SRGAP2C: variants seen among roughly 807,000 people sequenced by gnomAD.
SRGAP2C encodes SLIT-ROBO Rho GTPase-activating protein 2C.
In SRGAP2C, 15 loss-of-function variants were observed where a neutral mutation model predicts 25.1. That is an observed-to-expected ratio of 0.60 (90% CI 0.40 to 0.92). The LOEUF is 0.92. Ranked by LOEUF, SRGAP2C falls within the 40% of genes least tolerant of loss-of-function variation. The pLI, the probability that SRGAP2C is intolerant of heterozygous loss-of-function variation, is 0.00. For synonymous variants in SRGAP2C, 44 were observed against 96.6 expected (o/e 0.46, Z 3.19); for missense variants, 144 against 264.4 (o/e 0.54, Z 3.16).
At chr1:121,355,306 T>A (rs1553347339) in intron 4 of SRGAP2C, among the ~76,000 whole-genome samples, 1 of 2,566 alleles carries the variant, frequency 3.9e-4, no homozygotes, top group Non-Finnish European at 8.0e-4. Context: ...ATACACATTC[T>A]TTTTTTTTTT....
In SRGAP2C at chr1:121,285,016, A is replaced by T. The variant is rs1298276084; in HGVS notation, c.260+21A>T. 699 of 1,218,428 alleles carry T rather than the reference A, an allele frequency of 5.7e-4. 6 individuals are homozygous for T. Among genetic ancestry groups the T allele is most frequent in the Non-Finnish European group, 7.2e-4 (643 of 895,144 alleles). 75.5% of individuals were successfully genotyped at this position (1,218,428 alleles called of 1,614,324 possible). On this transcript the variant is annotated intron_variant, in intron 3 of 9. Coordinates refer to ENST00000367123, the MANE Select transcript of SRGAP2C (RefSeq NM_001329984.2). The stretch of plus-strand genomic sequence containing the variant: ...TTCAAGTAGGGGCTCTGTGGCTATT[A>T]CTCTCTGAGACCTTGGAATATGGGG...
Position 121,228,931 on chromosome 1 carries a change from G to A in SRGAP2C, c.67+41418G>A, listed in dbSNP as rs1185415547. Among the ~76,000 whole-genome samples, 7 of 152,076 alleles carry A rather than the reference G, an allele frequency of 4.6e-5. No homozygotes were observed. In the South Asian group the frequency reaches 6.2e-4, roughly 14 times the overall value. The stretch of plus-strand genomic sequence containing the variant: ...CCATACTGTGGGGGTGTTTCTAAGA[G>A]CAGCCTGGTCCTTAATTATCTTACT... On this transcript the variant is annotated intron_variant, in intron 2 of 9. Coordinates refer to ENST00000367123, the MANE Select transcript of SRGAP2C (RefSeq NM_001329984.2).
chr1:121,370,422 C>T (rs1179318249), intron 5 of SRGAP2C, among the ~76,000 whole-genome samples: 7 of 139,638 alleles, frequency 5.0e-5, no homozygotes, highest in African/African-American at 1.8e-4. Context: ...CTTGGGGCCT[C>T]ACTGTTCTCA....
chr1:121,365,645 A>G lies in SRGAP2C; in HGVS notation c.486+290A>G, dbSNP rs1216513186. On this transcript the variant is annotated intron_variant, in intron 5 of 9. Coordinates refer to ENST00000367123, the MANE Select transcript of SRGAP2C (RefSeq NM_001329984.2). ...AGCCAAAGTCTAGGTCATTGGCACA[A>G]TGGACCCCGTTAGCAGCAAACCAGG... Among the ~76,000 whole-genome samples the G allele has an allele frequency of 7.6e-5, 7 of 92,552 alleles. 1 individual carries two copies. The highest frequency in any genetic ancestry group is 3.0e-4 in the South Asian group (1 of 3,320). The allele number at this position is 92,552 out of a possible 152,430, so 60.7% of individuals were successfully genotyped here.
At chr1:121,378,985 G>A (rs1381683253) in intron 7 of SRGAP2C, among the ~76,000 whole-genome samples, 1 of 152,110 alleles carries the variant, frequency 6.6e-6, no homozygotes, top group Non-Finnish European at 1.5e-5. Flanking sequence ...TAGGCTCACT[G>A]GAATGTAATT....
chr1:121,315,371 C>T (rs1342498352), intron 3 of SRGAP2C, among the ~76,000 whole-genome samples: 8 of 143,294 alleles, frequency 5.6e-5, no homozygotes, highest in African/African-American at 2.1e-4. Flanking sequence ...GTGACTTGCC[C>T]AAAGTTATCT....
At chr1:121,293,086 G>A (rs1175464534) in intron 3 of SRGAP2C, among the ~76,000 whole-genome samples, 5 of 131,068 alleles carry the variant, frequency 3.8e-5, no homozygotes, top group South Asian at 2.4e-4. Flanking sequence ...CCAATGCTAG[G>A]CATTGATCCT....
chr1:121,263,342 A>C (rs1344679627), intron 2 of SRGAP2C, among the ~76,000 whole-genome samples: 2 of 151,100 alleles, frequency 1.3e-5, no homozygotes, highest in Admixed American at 6.6e-5. Flanking sequence ...AACAAACAAA[A>C]AAAACTTGAA....
At position 121,185,072 on chromosome 1, in the gene SRGAP2C, G is replaced by C. The variant is rs782394265; in HGVS notation, c.-595G>C. 7.9e-6 allele frequency: 4 copies of C among 507,616 alleles called. No homozygotes were observed. Among genetic ancestry groups the C allele is most frequent in the African/African-American group, 6.7e-5 (3 of 44,650 alleles). The allele number at this position is 507,616 out of a possible 1,614,324, so 31.4% of individuals were successfully genotyped here. A position where few individuals can be genotyped will look rare whatever the true frequency, so the allele number is the denominator to read the frequency against. On this transcript the variant is annotated 5_prime_UTR_variant, in exon 1 of 10. Transcript: ENST00000367123. ...GTGGCGGGGAAGAGAGGGGAGGAGA[G>C]CTCTGAGTGGGAAGCGGAACCGGGG...
Position 121,241,341 on chromosome 1 carries a change from A to C in SRGAP2C, c.68-43462A>C, listed in dbSNP as rs1656119538. ...GATAAACCCATTAGAAGTCCTGAACAATAGCTTCCCCTTTCCTTTTTGTCT... is the reference window on the plus strand; with the variant it reads ...GATAAACCCATTAGAAGTCCTGAACCATAGCTTCCCCTTTCCTTTTTGTCT... On this transcript the variant is annotated intron_variant, in intron 2 of 9. Transcript: ENST00000367123. Among the ~76,000 whole-genome samples the C allele has an allele frequency of 4.9e-5, 2 of 40,696 alleles. 1 individual carries two copies. Among genetic ancestry groups the C allele is most frequent in the Admixed American group, 5.2e-4 (2 of 3,874 alleles). The allele number at this position is 40,696 out of a possible 152,430, so 26.7% of individuals were successfully genotyped here.
chr1:121,362,609 GGAGGAGTTAAGAAAC>G (rs1553348799), intron 4 of SRGAP2C: 1 of 151,998 alleles, frequency 6.6e-6, no homozygotes, highest in African/African-American at 2.4e-5. Flanking sequence ...TCAAACATAA[GGAGGAGTTAAGAAAC>G]GATAGGCTGG....
chr1:121,192,462 T>C (rs1553319932), intron 2 of SRGAP2C, among the ~76,000 whole-genome samples: 1 of 150,994 alleles, frequency 6.6e-6, no homozygotes, highest in Non-Finnish European at 1.5e-5. Flanking sequence ...TCAAGTACCA[T>C]ACTCTGCATC....
intron 5 of SRGAP2C, among the ~76,000 whole-genome samples, chr1:121,367,168 C>T (rs1339051021): frequency 4.6e-5 from 7 of 151,876 alleles, no homozygotes; most frequent in Non-Finnish European, 8.8e-5. Context: ...GTGGTATCCC[C>T]TGCCATAAGG....
At chr1:121,281,378 TTCCTTC>T (rs1657238425) in intron 2 of SRGAP2C, among the ~76,000 whole-genome samples, 1 of 151,454 alleles carries the variant, frequency 6.6e-6, no homozygotes, top group Non-Finnish European at 1.5e-5. Flanking sequence ...TCTCCTCCTT[TTCCTTC>T]TCCTTCTCCA....
rs781891726 is a variant in SRGAP2C at position 121,359,373 on chromosome 1, G to A, written c.424-5920G>A. ...AAAATAGAAAAGGCCAGGCACAGTCGCTCGAGAATATAATCCCAGCTACTC... is the reference window on the plus strand; with the variant it reads ...AAAATAGAAAAGGCCAGGCACAGTCACTCGAGAATATAATCCCAGCTACTC... On this transcript the variant is annotated intron_variant, in intron 4 of 9. Transcript: ENST00000367123. 6.0e-3 allele frequency among the ~76,000 whole-genome samples: 859 copies of A among 142,470 alleles called. 8 individuals carry two copies. The highest frequency in any genetic ancestry group is 7.9e-3 in the Non-Finnish European group (523 of 65,950). 93.5% of individuals were successfully genotyped at this position (142,470 alleles called of 152,430 possible). A position where few individuals can be genotyped will look rare whatever the true frequency, so the allele number is the denominator to read the frequency against.
chr1:121,353,043 T>A (rs1242639139), intron 4 of SRGAP2C, among the ~76,000 whole-genome samples: 3 of 149,542 alleles, frequency 2.0e-5, no homozygotes, highest in African/African-American at 7.4e-5. Flanking sequence ...TGAAACGAGA[T>A]CAAGCCACTA....
rs587720317 is a variant in SRGAP2C, at chr1:121,384,981, C to G, written c.1057-1525C>G. Among the ~76,000 whole-genome samples, 3 of 152,220 alleles carry G rather than the reference C, an allele frequency of 2.0e-5. No homozygotes were observed. In the South Asian group the frequency reaches 6.2e-4, roughly 32 times the overall value. Reference sequence around the variant, plus strand: ...GAGCCAGGCAGGGGCCAGGACCAGTCCTGGAGCTTGTGAAGGTTCCGCATT... The same window carrying G: ...GAGCCAGGCAGGGGCCAGGACCAGTGCTGGAGCTTGTGAAGGTTCCGCATT... On this transcript the variant is annotated intron_variant, in intron 8 of 9. Coordinates refer to ENST00000367123, the MANE Select transcript of SRGAP2C (RefSeq NM_001329984.2).
At chr1:121,358,204 GT>G (rs1180892587) in intron 4 of SRGAP2C, among the ~76,000 whole-genome samples, 1 of 151,844 alleles carries the variant, frequency 6.6e-6, no homozygotes, top group Non-Finnish European at 1.5e-5. Context: ...CAGCTATATT[GT>G]TTAGTTCTTG....
intron 3 of SRGAP2C, chr1:121,315,110 G>T (rs1477554103): frequency 3.7e-6 from 2 of 545,146 alleles, no homozygotes; most frequent in Admixed American, 2.9e-5. Context: ...TCTGGTGCAG[G>T]CGGCACGGCT....
Sources: allele counts gnomAD v4.1 joint callset (sites outside exome capture counted in the v4.1 genomes callset), GRCh38; gene constraint gnomAD v4.1.1; transcripts MANE v1.5; gene names NCBI Gene and HGNC (gene_info 2026-07-23, HGNC 2026-07-21).